Variants in CUEDC1 observed in about 807,000 individuals in gnomAD.
The protein encoded by CUEDC1 is CUE domain-containing protein 1.
In CUEDC1, 30 loss-of-function variants were observed where a neutral mutation model predicts 43.7. The ratio of observed to expected loss-of-function variants is 0.69; its 90% CI spans 0.51 to 0.93. CUEDC1 has a LOEUF of 0.93. Ranked by LOEUF, CUEDC1 falls within the 40% of genes least tolerant of loss-of-function variation. CUEDC1 has a pLI of 0.00. For missense variants in CUEDC1, 486 were observed against 549.0 expected, an observed-to-expected ratio of 0.89 and a Z score of 1.15; for synonymous variants, 223 against 223.6, an observed-to-expected ratio of 1.00 and a Z score of 0.02.
chr17:57,896,841 G>C (rs1393613917), intron 1 of CUEDC1, among the ~76,000 whole-genome samples: 4 of 138,772 alleles, frequency 2.9e-5, no homozygotes, highest in African/African-American at 2.7e-5. Context: ...TGTGATCTCA[G>C]CTTATGCAAC....
chr17:57,923,349 A>ACT (rs1015877615), intron 1 of CUEDC1, among the ~76,000 whole-genome samples: 22 of 151,862 alleles, frequency 1.4e-4, no homozygotes, highest in Admixed American at 1.2e-3. Context: ...TCCTCAGGTG[A>ACT]CTCTCTCTCT....
Position 57,871,305 on chromosome 17 carries a change from G to A in CUEDC1, c.849C>T (p.Gly283=), listed in dbSNP as rs1222329974. The A allele has an allele frequency of 1.2e-6, 2 of 1,614,012 alleles. No homozygotes were observed. Among genetic ancestry groups the A allele is most frequent in the South Asian group, 2.2e-5 (2 of 91,082 alleles). The part of the protein sequence containing the change: ...SSSVAVGNDF[G]FSSPVPGTGD... ...AGTTACCTGGGACAGGAGAGGAAAA[G>A]CCAAAGTCGTTTCCGACAGCCACGC... Residue 283 remains glycine (G), a synonymous_variant, in exon 6 of 11, where the codon GGC becomes GGT. Coordinates refer to ENST00000577830, the MANE Select transcript of CUEDC1 (RefSeq NM_001271875.2).
intron 10 of CUEDC1, among the ~76,000 whole-genome samples, chr17:57,864,611 C>G (rs1410683401): frequency 6.6e-6 from 1 of 151,926 alleles, no homozygotes; most frequent in Admixed American, 6.6e-5. Flanking sequence ...CGAGTCAATC[C>G]GAGTGATGGG....
chr17:57,875,522 G>A (rs1464937391), intron 3 of CUEDC1, among the ~76,000 whole-genome samples: 1 of 152,138 alleles, frequency 6.6e-6, no homozygotes, highest in Non-Finnish European at 1.5e-5. Flanking sequence ...GGCACAGGCA[G>A]CCCAGGCAAC....
chr17:57,898,979 T>G (rs1232978687), intron 1 of CUEDC1, among the ~76,000 whole-genome samples: 2 of 152,182 alleles, frequency 1.3e-5, no homozygotes, highest in South Asian at 2.1e-4. Flanking sequence ...AGGGGCTCCA[T>G]GGGCTCTGGG....
chr17:57,913,873 G>C (rs971758945), intron 1 of CUEDC1, among the ~76,000 whole-genome samples: 1 of 152,102 alleles, frequency 6.6e-6, no homozygotes, highest in Non-Finnish European at 1.5e-5. Context: ...GCCTCACCCT[G>C]GCCAACTGCA....
intron 1 of CUEDC1, among the ~76,000 whole-genome samples, chr17:57,891,955 G>T (rs545196509): frequency 1.5e-3 from 226 of 152,304 alleles, no homozygotes; most frequent in Non-Finnish European, 2.4e-3. Context: ...TGAAGGCAGG[G>T]GCTTTGCTAT....
intron 1 of CUEDC1, among the ~76,000 whole-genome samples, chr17:57,932,736 C>T (rs1301080526): frequency 2.7e-5 from 4 of 149,794 alleles, no homozygotes; most frequent in African/African-American, 9.9e-5. Flanking sequence ...GTGGCAGGCT[C>T]CTGTAATCCC....
At position 57,868,272 on chromosome 17, in the gene CUEDC1, C is replaced by T. The variant is rs148733333; in HGVS notation, c.941-29G>A. 14 of 1,596,630 alleles carry T rather than the reference C, an allele frequency of 8.8e-6. No individual in the cohort carries two copies. In the African/African-American group the frequency reaches 1.7e-4, roughly 20 times the overall value. ...GGGGCAGAGAGACCTGTGAGTCATT[C>T]TCTCAGCAGCCAGCACACCAGATGG... is the stretch of plus-strand genomic sequence containing the variant. On this transcript the variant is annotated intron_variant, in intron 7 of 10. Transcript: ENST00000577830.
chr17:57,946,827 C>T (rs78795870), intron 1 of CUEDC1, among the ~76,000 whole-genome samples: 161 of 152,280 alleles, frequency 1.1e-3, no homozygotes, highest in Non-Finnish European at 1.9e-3. Context: ...TCATCACCAG[C>T]CCGGTCTCTG....
At chr17:57,871,560 T>C (rs899375783) in intron 5 of CUEDC1, among the ~76,000 whole-genome samples, 191 bp from the exon 6 acceptor site, 1 of 152,188 alleles carries the variant, frequency 6.6e-6, no homozygotes. Flanking sequence ...AACTACCGCC[T>C]GACAGCCATC....
rs907479151 is a variant in CUEDC1 at position 57,861,947 on chromosome 17, C to G, written c.*1342G>C. The stretch of plus-strand genomic sequence containing the variant: ...TCACGCTCGGCGGCGGCTGCGCGTC[C>G]CGGCCCTCCCCAAGCTCGGCGTTGC... On this transcript the variant is annotated 3_prime_UTR_variant, in exon 11 of 11. Transcript: ENST00000577830. 3 of 152,254 alleles carry G rather than the reference C, an allele frequency of 2.0e-5. No homozygotes were observed. The highest frequency in any genetic ancestry group is 7.2e-5 in the African/African-American group (3 of 41,464). 9.4% of individuals were successfully genotyped at this position (152,254 alleles called of 1,614,324 possible).
chr17:57,944,233 G>A (rs1307570264), intron 1 of CUEDC1, among the ~76,000 whole-genome samples: 4 of 142,830 alleles, frequency 2.8e-5, no homozygotes, highest in Middle Eastern at 3.8e-3. Context: ...TTTTTGAGAC[G>A]GAGCTTCGCT....
chr17:57,929,862 C>A (rs576490002), intron 1 of CUEDC1, among the ~76,000 whole-genome samples: 2 of 152,098 alleles, frequency 1.3e-5, no homozygotes, highest in Non-Finnish European at 2.9e-5. Flanking sequence ...AGTGCAGTGG[C>A]GCGATCTTGG....
chr17:57,918,032 A>T (rs757981225), intron 1 of CUEDC1, among the ~76,000 whole-genome samples: 1 of 152,130 alleles, frequency 6.6e-6, no homozygotes, highest in African/African-American at 2.4e-5. Flanking sequence ...CACTGAGAGG[A>T]GCTGAGAAGA....
At chr17:57,945,011 G>A (rs76349908) in intron 1 of CUEDC1, among the ~76,000 whole-genome samples, 11,298 of 152,222 alleles carry the variant, frequency 0.074, 825 homozygotes, top group African/African-American at 0.19. Context: ...AGACAAAAAC[G>A]GCTCCCTTGG....
chr17:57,913,576 G>A (rs187937086), intron 1 of CUEDC1, among the ~76,000 whole-genome samples: 84 of 152,300 alleles, frequency 5.5e-4, no homozygotes, highest in African/African-American at 2.0e-3. Context: ...AAAGAGGAGT[G>A]CAGGGAGGAG....
intron 2 of CUEDC1, among the ~76,000 whole-genome samples, chr17:57,882,905 C>T (rs74726087): frequency 0.013 from 1,929 of 152,176 alleles, 12 homozygotes; most frequent in Non-Finnish European, 0.019. Context: ...TTGAGGTCAA[C>T]GATAGGCTAT....
intron 1 of CUEDC1, among the ~76,000 whole-genome samples, chr17:57,942,189 G>C (rs530445756): frequency 6.6e-6 from 1 of 152,274 alleles, no homozygotes; most frequent in South Asian, 2.1e-4. Context: ...CCGGCAGCTG[G>C]GAGGTGGAGC....
Sources: gnomAD v4.1 joint callset for allele counts (sites outside exome capture counted in the v4.1 genomes callset) on GRCh38, gnomAD v4.1.1 for gene constraint, MANE v1.5 for transcripts, NCBI Gene and HGNC (gene_info 2026-07-23, HGNC 2026-07-21) for gene names.